HIPK3: variants seen among roughly 807,000 people sequenced by gnomAD.
HIPK3 encodes the protein homeodomain-interacting protein kinase 3.
In HIPK3, 47 loss-of-function variants were observed where a neutral mutation model predicts 124.2. That is an observed-to-expected ratio of 0.38 (90% CI 0.30 to 0.48). The LOEUF is 0.48. HIPK3 is among the 20% of genes least tolerant of loss of function. The probability of loss-of-function intolerance (pLI) is 0.98; values close to 1 mark genes in which losing one functional copy is unlikely to be tolerated. For synonymous variants in HIPK3, 482 were observed against 515.2 expected (o/e 0.94, Z 0.87); for missense variants, 1,286 against 1,454.3 (o/e 0.88, Z 1.88).
chr11:33,268,345 A>C lies in HIPK3; in HGVS notation c.-3+10456A>C, dbSNP rs920986924. ...TGTAGTGGCTCAAGCCTGTAATCCT[A>C]GCACTTTAGGAGGCTGAAGTGGGAG... On this transcript the variant is annotated intron_variant, in intron 1 of 16. Transcript: ENST00000303296. 2.6e-5 allele frequency among the ~76,000 whole-genome samples: 4 copies of C among 152,136 alleles called. No individual in the cohort carries two copies. In the East Asian group the frequency reaches 7.7e-4, roughly 29 times the overall value.
Position 33,353,562 on chromosome 11 carries a change from T to C in HIPK3, c.3642T>C (p.Tyr1214=), listed in dbSNP as rs1235159343. The change falls in exon 17 of 17, where the codon TAT becomes TAC. Residue 1214 remains tyrosine, a synonymous_variant. Transcript: ENST00000303296. ...CAACAAAACTCAGCCAGTATCCATATATGTGAAAAACAGTATATTGGGGAA... is the reference window on the plus strand; with the variant it reads ...CAACAAAACTCAGCCAGTATCCATACATGTGAAAAACAGTATATTGGGGAA... ...LSPTKLSQYP[Y]M The C allele has an allele frequency of 5.1e-6, 8 of 1,583,758 alleles. No individual in the cohort carries two copies. The highest frequency in any genetic ancestry group is 6.9e-6 in the Non-Finnish European group (8 of 1,152,568).
At chr11:33,291,193 C>T (rs1851689386) in intron 2 of HIPK3, among the ~76,000 whole-genome samples, 1 of 152,022 alleles carries the variant, frequency 6.6e-6, no homozygotes, top group African/African-American at 2.4e-5. Flanking sequence ...TTATTTGGGA[C>T]CCTGCCAATT....
intron 2 of HIPK3, among the ~76,000 whole-genome samples, chr11:33,325,743 C>G (rs1442578228): frequency 2.0e-5 from 3 of 151,914 alleles, no homozygotes; most frequent in Admixed American, 2.0e-4. Context: ...AAATAATGAA[C>G]AAAAAGGGAT....
chr11:33,348,712 C>G lies in HIPK3; in HGVS notation c.2560C>G (p.Arg854Gly). 1.2e-6 allele frequency: 2 copies of G among 1,614,096 alleles called. No individual in the cohort carries two copies. Among genetic ancestry groups the G allele is most frequent in the East Asian group, 4.5e-5 (2 of 44,880 alleles). ...TGATTCATCAGTTTCAGACAAACAG[C>G]GGCAAACCATCATTATTGCCGACTC... ...DSDSSVSDKQ[R>G]QTIIIADSPS... The change falls in exon 13 of 17, where the codon CGG becomes GGG. Residue 854 changes from arginine to glycine, a missense_variant. Arg to Gly is a moderately radical substitution (Grantham distance 125). Coordinates refer to ENST00000303296, the MANE Select transcript of HIPK3 (RefSeq NM_005734.5).
intron 2 of HIPK3, among the ~76,000 whole-genome samples, chr11:33,322,090 C>G (rs1180158719): frequency 6.6e-6 from 1 of 152,118 alleles, no homozygotes; most frequent in African/African-American, 2.4e-5. Flanking sequence ...AGCTCCGCCT[C>G]CCGGGTTCAC....
At chr11:33,349,868 A>G (rs1853606674) in intron 14 of HIPK3, among the ~76,000 whole-genome samples, 3 of 152,134 alleles carry the variant, frequency 2.0e-5, no homozygotes, top group Non-Finnish European at 4.4e-5. Flanking sequence ...CCCAGGTTCA[A>G]GTGAGTCTCC....
chr11:33,340,674 C>T (rs752239075), intron 6 of HIPK3, among the ~76,000 whole-genome samples: 4 of 130,152 alleles, frequency 3.1e-5, no homozygotes, highest in East Asian at 2.4e-4. Context: ...CTCGAAATTT[C>T]GGAAAAAGTT....
intron 13 of HIPK3, 124 bp downstream of exon 13, chr11:33,348,942 TA>T: frequency 1.0e-6 from 1 of 977,932 alleles, no homozygotes; most frequent in South Asian, 1.7e-5. Flanking sequence ...TTAAATTAGA[TA>T]ACCCAGTTCT....
intron 8 of HIPK3, among the ~76,000 whole-genome samples, chr11:33,346,413 C>T (rs997564084): frequency 6.6e-6 from 1 of 152,128 alleles, no homozygotes; most frequent in African/African-American, 2.4e-5. Flanking sequence ...GTTAGTTTTG[C>T]CTTTCCTTTG....
chr11:33,287,236 C>CT lies in HIPK3; in HGVS notation c.825dup (p.Glu276Ter). 6.2e-7 allele frequency: 1 copy of CT among 1,614,118 alleles called. No individual in the cohort carries two copies. Among genetic ancestry groups the CT allele is most frequent in the Non-Finnish European group, 8.5e-7 (1 of 1,179,998 alleles). ...AGCACCGTAACCATACTTGTTTAGTCTTTGAGATGCTGGAACAAAACTTGT... is the reference window on the plus strand; with the variant it reads ...AGCACCGTAACCATACTTGTTTAGTCTTTTGAGATGCTGGAACAAAACTTGT... On this transcript the variant is annotated frameshift_variant, in exon 2 of 17. Coordinates refer to ENST00000303296, the MANE Select transcript of HIPK3 (RefSeq NM_005734.5). LOFTEE classifies it high-confidence loss of function.
chr11:33,351,322 T>G (rs548675207), intron 14 of HIPK3, among the ~76,000 whole-genome samples: 19 of 152,234 alleles, frequency 1.2e-4, no homozygotes, highest in African/African-American at 4.6e-4. Flanking sequence ...AGAGGAATTT[T>G]ATGAGCTGCT....
chr11:33,263,106 G>A (rs1241953019), intron 1 of HIPK3, among the ~76,000 whole-genome samples: 1 of 152,194 alleles, frequency 6.6e-6, no homozygotes, highest in Non-Finnish European at 1.5e-5. Flanking sequence ...CTGGGCCCAA[G>A]CGATCCTTCT....
intron 1 of HIPK3, among the ~76,000 whole-genome samples, chr11:33,262,924 C>T (rs1237088160): frequency 6.6e-6 from 1 of 152,118 alleles, no homozygotes; most frequent in Non-Finnish European, 1.5e-5. Flanking sequence ...CTCAGGAGAT[C>T]CTTCTGCCTC....
chr11:33,324,515 G>A (rs940403637), intron 2 of HIPK3, among the ~76,000 whole-genome samples: 8 of 152,202 alleles, frequency 5.3e-5, no homozygotes, highest in African/African-American at 1.9e-4. Context: ...AGTTGTGGCA[G>A]CTGTGAAAGT....
Position 33,286,545 on chromosome 11 carries a change from A to C in HIPK3, c.131A>C (p.Tyr44Ser). 3 of 1,614,114 alleles carry C rather than the reference A, an allele frequency of 1.9e-6. No homozygotes were observed. Among genetic ancestry groups the C allele is most frequent in the Non-Finnish European group, 2.5e-6 (3 of 1,180,008 alleles). ...VFQERNYPRT[Y>S]VNGRNFGNSH... ...CAGGAAAGAAACTATCCACGGACCT[A>C]TGTGAATGGTAGAAACTTTGGAAAT... The change falls in exon 2 of 17, where the codon TAT becomes TCT. Residue 44 changes from tyrosine (Y) to serine (S), a missense_variant. Tyr to Ser is a moderately radical substitution (Grantham distance 144). Coordinates refer to ENST00000303296, the MANE Select transcript of HIPK3 (RefSeq NM_005734.5).
intron 1 of HIPK3, among the ~76,000 whole-genome samples, chr11:33,265,835 C>T (rs1196963043): frequency 2.0e-5 from 3 of 149,580 alleles, no homozygotes; most frequent in Non-Finnish European, 4.4e-5. Context: ...CCTGTAATCC[C>T]AGTACTTGGG....
At chr11:33,263,893 C>T (rs914011216) in intron 1 of HIPK3, among the ~76,000 whole-genome samples, 2 of 152,126 alleles carry the variant, frequency 1.3e-5, no homozygotes, top group African/African-American at 4.8e-5. Context: ...GTCTTATGTT[C>T]CAGGACTAAT....
chr11:33,326,689 C>CT (rs146019866), intron 2 of HIPK3, among the ~76,000 whole-genome samples: 2,038 of 151,054 alleles, frequency 0.013, 51 homozygotes, highest in African/African-American at 0.047. Context: ...TTTTTTCCCC[C>CT]GAGACAGAGC....
At chr11:33,325,498 T>C (rs1246995177) in intron 2 of HIPK3, among the ~76,000 whole-genome samples, 1 of 152,224 alleles carries the variant, frequency 6.6e-6, no homozygotes, top group Non-Finnish European at 1.5e-5. Context: ...TTCCACGCCG[T>C]ACTTTCAAAA....
Sources: allele counts gnomAD v4.1 joint callset (sites outside exome capture counted in the v4.1 genomes callset), GRCh38; gene constraint gnomAD v4.1.1; transcripts MANE v1.5; gene names NCBI Gene and HGNC (gene_info 2026-07-23, HGNC 2026-07-21).